Variants in BRINP3 observed in about 807,000 individuals in gnomAD.
BRINP3 encodes the protein BMP/retinoic acid inducible neural specific 3.
Under a neutral mutation model 71.0 loss-of-function variants are expected in BRINP3, and 19 were observed. That is an observed-to-expected ratio of 0.27 (90% CI 0.19 to 0.39). The LOEUF is 0.39. Among genes scored for constraint, BRINP3 ranks in the 10% least tolerant of loss-of-function variants. BRINP3 has a pLI of 1.00. For synonymous variants in BRINP3, 380 were observed against 337.7 expected (o/e 1.13, Z -1.37); for missense variants, 959 against 940.8 (o/e 1.02, Z -0.25).
rs369626610 is a variant in BRINP3 at position 190,283,000 on chromosome 1, G to C, written c.237-1250C>G. ...GAAAAGGACTGAAGCAGAATAATGA[G>C]GAACAGTGTACATACTTCCAGGACA... On this transcript the variant is annotated intron_variant, in intron 2 of 7. Transcript: ENST00000367462. Among the ~76,000 whole-genome samples the C allele has an allele frequency of 5.9e-5, 9 of 152,002 alleles. No individual in the cohort carries two copies. The South Asian group carries it at 1.5e-3, about 24-fold the overall frequency.
chr1:190,189,872 T>G (rs1343439846), intron 6 of BRINP3, among the ~76,000 whole-genome samples: 13 of 152,174 alleles, frequency 8.5e-5, no homozygotes. Flanking sequence ...GTACTTAGAC[T>G]TTATAGACTA....
chr1:190,457,084 C>T (rs900983997), intron 1 of BRINP3, among the ~76,000 whole-genome samples: 4 of 152,172 alleles, frequency 2.6e-5, no homozygotes, highest in African/African-American at 4.8e-5. Context: ...GGATATATAA[C>T]GTCAAGAGAC....
At chr1:190,239,737 T>A (rs895033280) in intron 4 of BRINP3, among the ~76,000 whole-genome samples, 6 of 152,132 alleles carry the variant, frequency 3.9e-5, no homozygotes, top group African/African-American at 1.4e-4. Context: ...TACATATGTA[T>A]GGATATCTAG....
At chr1:190,371,274 T>G (rs563821179) in intron 2 of BRINP3, among the ~76,000 whole-genome samples, 1 of 152,358 alleles carries the variant, frequency 6.6e-6, no homozygotes, top group South Asian at 2.1e-4. Context: ...GAGGCTTTCC[T>G]CTAAGTTTTC....
At chr1:190,384,656 C>A (rs1449575616) in intron 2 of BRINP3, among the ~76,000 whole-genome samples, 1 of 151,898 alleles carries the variant, frequency 6.6e-6, no homozygotes, top group African/African-American at 2.4e-5. Flanking sequence ...TACCTCAACT[C>A]TGTGAAGCTA....
intron 2 of BRINP3, among the ~76,000 whole-genome samples, chr1:190,289,551 G>C (rs1663696816): frequency 6.6e-6 from 1 of 151,866 alleles, no homozygotes; most frequent in African/African-American, 2.4e-5. Context: ...CTTTCAGTAT[G>C]AATCAGGCTT....
chr1:190,124,297 C>T (rs567453456), intron 7 of BRINP3, among the ~76,000 whole-genome samples: 4 of 152,218 alleles, frequency 2.6e-5, no homozygotes, highest in Non-Finnish European at 4.4e-5. Flanking sequence ...CATAACAAGG[C>T]GGCCCTCACC....
At chr1:190,261,211 G>A (rs1256820681) in intron 4 of BRINP3, among the ~76,000 whole-genome samples, 1 of 151,548 alleles carries the variant, frequency 6.6e-6, no homozygotes, top group Non-Finnish European at 1.5e-5. Flanking sequence ...ACGTTTATTA[G>A]ACTATTTAAA....
At chr1:190,182,477 T>C (rs1297997723) in intron 6 of BRINP3, among the ~76,000 whole-genome samples, 3 of 152,294 alleles carry the variant, frequency 2.0e-5, no homozygotes, top group Middle Eastern at 6.8e-3. Flanking sequence ...GTTGAGCTTA[T>C]CCTTTGTTCT....
At chr1:190,230,590 G>T (rs1657876104) in intron 5 of BRINP3, among the ~76,000 whole-genome samples, 1 of 151,496 alleles carries the variant, frequency 6.6e-6, no homozygotes, top group Admixed American at 6.6e-5. Context: ...TGTTGATTTG[G>T]TAACTAATAC....
At chr1:190,251,569 C>A (rs1177558458) in intron 4 of BRINP3, among the ~76,000 whole-genome samples, 3 of 151,852 alleles carry the variant, frequency 2.0e-5, no homozygotes, top group African/African-American at 7.3e-5. Flanking sequence ...GGGGTATGTA[C>A]AAATTGTGTA....
At chr1:190,264,557 C>CA (rs1661484541) in intron 4 of BRINP3, among the ~76,000 whole-genome samples, 1 of 152,050 alleles carries the variant, frequency 6.6e-6, no homozygotes, top group South Asian at 2.1e-4. Flanking sequence ...GTTATTAAAA[C>CA]AAATTTGTAT....
At chr1:190,321,667 C>T (rs1265973251) in intron 2 of BRINP3, among the ~76,000 whole-genome samples, 1 of 152,016 alleles carries the variant, frequency 6.6e-6, no homozygotes, top group East Asian at 1.9e-4. Context: ...CATCATTATT[C>T]ATTAATTGAC....
chr1:190,110,113 G>C (rs1652538537), intron 7 of BRINP3, among the ~76,000 whole-genome samples: 1 of 152,172 alleles, frequency 6.6e-6, no homozygotes, highest in Non-Finnish European at 1.5e-5. Flanking sequence ...GATGGGCTAT[G>C]ACACATTTTT....
intron 2 of BRINP3, among the ~76,000 whole-genome samples, chr1:190,350,145 G>A (rs77140473): frequency 0.066 from 10,061 of 152,138 alleles, 449 homozygotes; most frequent in Non-Finnish European, 0.1. Context: ...TGTTCATTAA[G>A]CATTAGAGCT....
At chr1:190,270,927 T>TA (rs1662057087) in intron 3 of BRINP3, among the ~76,000 whole-genome samples, 1 of 151,628 alleles carries the variant, frequency 6.6e-6, no homozygotes, top group Admixed American at 6.6e-5. Context: ...TCCACGTTTT[T>TA]AAAAACATAA....
intron 7 of BRINP3, among the ~76,000 whole-genome samples, chr1:190,116,751 G>A (rs563316968): frequency 5.9e-5 from 9 of 151,990 alleles, no homozygotes; most frequent in Middle Eastern, 3.2e-3. Context: ...ATTGAAGAAA[G>A]AATTAAAGCC....
At chr1:190,181,717 C>A (rs1029411327) in intron 6 of BRINP3, among the ~76,000 whole-genome samples, 4 of 151,880 alleles carry the variant, frequency 2.6e-5, no homozygotes, top group African/African-American at 9.7e-5. Context: ...TAAATATTCC[C>A]TCTACATGTA....
chr1:190,201,582 T>C (rs1003667558), intron 6 of BRINP3, among the ~76,000 whole-genome samples: 3 of 152,184 alleles, frequency 2.0e-5, no homozygotes, highest in Non-Finnish European at 4.4e-5. Flanking sequence ...TGGCAGCCTC[T>C]CCTATTGCAG....
Sources: gnomAD v4.1 joint callset for allele counts (sites outside exome capture counted in the v4.1 genomes callset) on GRCh38, gnomAD v4.1.1 for gene constraint, MANE v1.5 for transcripts, NCBI Gene and HGNC (gene_info 2026-07-23, HGNC 2026-07-21) for gene names.